SSBP2: variants seen among roughly 807,000 people sequenced by gnomAD.
The protein encoded by SSBP2 is single stranded DNA binding protein 2.
Under a neutral mutation model 61.8 loss-of-function variants are expected in SSBP2, and 17 were observed. The ratio of observed to expected loss-of-function variants is 0.28; its 90% CI spans 0.19 to 0.41. SSBP2 has a LOEUF of 0.41. Ranked by LOEUF, SSBP2 falls within the 10% of genes least tolerant of loss-of-function variation. SSBP2 has a pLI of 1.00. For synonymous variants in SSBP2, 139 were observed against 141.3 expected, an observed-to-expected ratio of 0.98 and a Z score of 0.12; for missense variants, 310 against 458.7, an observed-to-expected ratio of 0.68 and a Z score of 2.96.
chr5:81,428,200 T>C (rs1282066266), intron 16 of SSBP2, among the ~76,000 whole-genome samples: 2 of 152,222 alleles, frequency 1.3e-5, no homozygotes, highest in South Asian at 2.1e-4. Flanking sequence ...TGAGGTCTAC[T>C]ATATAAAGTA....
In SSBP2 at chr5:81,453,357, G is replaced by A. The variant is rs542303850; in HGVS notation, c.688-4532C>T. Among the ~76,000 whole-genome samples, 40 of 151,952 alleles carry A rather than the reference G, an allele frequency of 2.6e-4. No homozygotes were observed. In the South Asian group the frequency reaches 8.1e-3, roughly 31 times the overall value. On this transcript the variant is annotated intron_variant, in intron 10 of 16. Coordinates refer to ENST00000320672, the MANE Select transcript of SSBP2 (RefSeq NM_012446.5). ...GAGAAAGAATGGTGGATATGTGACTGGATGAAAATCAGGAAAAATATAAAA... is the reference window on the plus strand; with the variant it reads ...GAGAAAGAATGGTGGATATGTGACTAGATGAAAATCAGGAAAAATATAAAA...
intron 4 of SSBP2, among the ~76,000 whole-genome samples, chr5:81,596,063 C>T (rs944964262): frequency 2.1e-3 from 320 of 152,170 alleles, no homozygotes; most frequent in African/African-American, 6.3e-3. Flanking sequence ...TGTTTGCAGA[C>T]GACATGATTG....
intron 3 of SSBP2, among the ~76,000 whole-genome samples, chr5:81,628,281 G>C (rs548410139): frequency 4.1e-4 from 63 of 152,254 alleles, no homozygotes; most frequent in African/African-American, 1.5e-3. Flanking sequence ...CCACCAGATT[G>C]TGTGAGAACT....
chr5:81,540,251 T>C (rs1276794198), intron 4 of SSBP2, among the ~76,000 whole-genome samples: 2 of 152,240 alleles, frequency 1.3e-5, no homozygotes, highest in African/African-American at 2.4e-5. Context: ...CCTTTGGGTA[T>C]ATAGCCAGTA....
chr5:81,586,643 A>G (rs1348762848), intron 4 of SSBP2, among the ~76,000 whole-genome samples: 1 of 146,092 alleles, frequency 6.8e-6, no homozygotes, highest in Non-Finnish European at 1.5e-5. Flanking sequence ...AAAAAAAAAA[A>G]GAGTAAATAT....
intron 3 of SSBP2, among the ~76,000 whole-genome samples, chr5:81,635,783 G>A (rs948358815): frequency 2.0e-5 from 3 of 151,840 alleles, no homozygotes; most frequent in Admixed American, 1.3e-4. Context: ...ACGGGGTTTC[G>A]CTGTGTTAGC....
intron 3 of SSBP2, among the ~76,000 whole-genome samples, chr5:81,634,107 G>A (rs1210062763): frequency 6.6e-6 from 1 of 152,184 alleles, no homozygotes; most frequent in Non-Finnish European, 1.5e-5. Flanking sequence ...GTGGGAGTGG[G>A]ACTTGCCTCA....
intron 4 of SSBP2, among the ~76,000 whole-genome samples, chr5:81,577,854 G>A (rs550687525): frequency 1.3e-4 from 19 of 152,000 alleles, no homozygotes; most frequent in Admixed American, 2.0e-4. Context: ...GGAAGCATTC[G>A]TTATTAATAG....
intron 1 of SSBP2, among the ~76,000 whole-genome samples, chr5:81,696,281 T>C (rs191218538): frequency 6.6e-6 from 1 of 152,332 alleles, no homozygotes; most frequent in Admixed American, 6.5e-5. Flanking sequence ...CTTTTATATA[T>C]ACCTGTCTCC....
At chr5:81,728,349 T>C (rs951415819) in intron 1 of SSBP2, among the ~76,000 whole-genome samples, 1 of 152,218 alleles carries the variant, frequency 6.6e-6, no homozygotes. Flanking sequence ...CAGCATCTTT[T>C]TTTAAATAAA....
chr5:81,724,705 A>T (rs1037428118), intron 1 of SSBP2, among the ~76,000 whole-genome samples: 1 of 152,140 alleles, frequency 6.6e-6, no homozygotes, highest in Non-Finnish European at 1.5e-5. Flanking sequence ...ATGGAGAGGG[A>T]TATGTAATAT....
chr5:81,554,540 C>A (rs1464914425), intron 4 of SSBP2, among the ~76,000 whole-genome samples: 2 of 151,606 alleles, frequency 1.3e-5, no homozygotes, highest in African/African-American at 4.8e-5. Context: ...TATTCTTGCT[C>A]TGAGGCTCAT....
intron 8 of SSBP2, among the ~76,000 whole-genome samples, chr5:81,468,876 G>A (rs937012011): frequency 6.6e-6 from 1 of 151,972 alleles, no homozygotes; most frequent in Non-Finnish European, 1.5e-5. Flanking sequence ...TTGGTTAAAA[G>A]GATAGCTATT....
intron 2 of SSBP2, among the ~76,000 whole-genome samples, chr5:81,641,853 C>T (rs1331675093): frequency 2.6e-5 from 4 of 151,768 alleles, no homozygotes; most frequent in African/African-American, 4.8e-5. Context: ...GAGAATCATG[C>T]TCTACTGGTT....
chr5:81,680,153 T>G (rs965788995), intron 1 of SSBP2, among the ~76,000 whole-genome samples: 3 of 151,820 alleles, frequency 2.0e-5, no homozygotes, highest in Non-Finnish European at 4.4e-5. Context: ...TCTCATGGTT[T>G]TCAGGCATCT....
At chr5:81,605,997 T>C (rs1022325342) in intron 4 of SSBP2, among the ~76,000 whole-genome samples, 4 of 152,102 alleles carry the variant, frequency 2.6e-5, no homozygotes, top group Non-Finnish European at 5.9e-5. Flanking sequence ...AACAGGTTGG[T>C]CCCTGAGGAA....
intron 4 of SSBP2, among the ~76,000 whole-genome samples, chr5:81,539,500 T>G (rs1445459504): frequency 1.3e-5 from 2 of 152,212 alleles, no homozygotes; most frequent in Non-Finnish European, 2.9e-5. Context: ...AATTTTGAAG[T>G]TCTACTGTGG....
In SSBP2 at chr5:81,466,996, G is replaced by T. The variant is rs1467700098; in HGVS notation, c.616C>A (p.Pro206Thr). Residue 206 changes from proline to threonine, a missense_variant, in exon 9 of 17, where the codon CCT (proline) becomes ACT (threonine). Pro to Thr is a conservative substitution (Grantham distance 38). Around this residue, in one of 4 missense-constraint regions of SSBP2, gnomAD observed 209 missense variants for 286.4 expected, o/e 0.73. Coordinates refer to ENST00000320672, the MANE Select transcript of SSBP2 (RefSeq NM_012446.5). ...TACATGTTCATTCCAGGCATTCCAG[G>T]GCCACCTAAAGCATTCAGTGGGGGT... is the stretch of plus-strand genomic sequence containing the variant. 6.2e-7 allele frequency: 1 copy of T among 1,608,222 alleles called. No individual in the cohort carries two copies.
chr5:81,468,401 A>G (rs1161705915), intron 8 of SSBP2, among the ~76,000 whole-genome samples: 1 of 151,994 alleles, frequency 6.6e-6, no homozygotes, highest in Non-Finnish European at 1.5e-5. Context: ...CTCAGGAGCT[A>G]TCCTTCTAAA....
Sources: gnomAD v4.1 joint callset for allele counts (sites outside exome capture counted in the v4.1 genomes callset) on GRCh38, gnomAD v4.1.1 for gene constraint, gnomAD v4.1.1 regional missense constraint, MANE v1.5 for transcripts, NCBI Gene and HGNC (gene_info 2026-07-23, HGNC 2026-07-21) for gene names.